Variants in CWF19L2 observed in about 807,000 individuals in gnomAD.
CWF19L2 encodes CWF19-like protein 2.
A neutral mutation model predicts 111.7 loss-of-function variants in CWF19L2; 98 were observed. That is an observed-to-expected ratio of 0.88 (90% confidence interval 0.75 to 1.04). CWF19L2 has a LOEUF of 1.04. Ranked by LOEUF, CWF19L2 falls within the 50% of genes least tolerant of loss-of-function variation. The probability of loss-of-function intolerance (pLI) is 0.00; values close to 1 mark genes in which losing one functional copy is unlikely to be tolerated. For synonymous variants in CWF19L2, 351 were observed against 342.9 expected, an observed-to-expected ratio of 1.02 and a Z score of -0.26; for missense variants, 1,101 against 1,051.4, an observed-to-expected ratio of 1.05 and a Z score of -0.65.
intron 12 of CWF19L2, among the ~76,000 whole-genome samples, chr11:107,361,184 T>C (rs562209426): frequency 4.6e-5 from 7 of 152,360 alleles, no homozygotes; most frequent in Middle Eastern, 3.4e-3. Flanking sequence ...CAAACCAATT[T>C]TCCCAGCACC....
chr11:107,415,017 T>C (rs781734187), intron 10 of CWF19L2, among the ~76,000 whole-genome samples: 1 of 152,142 alleles, frequency 6.6e-6, no homozygotes, highest in Non-Finnish European at 1.5e-5. Context: ...AACCATGTAA[T>C]AGTTTCTCAC....
At chr11:107,398,347 A>G (rs117867084) in intron 10 of CWF19L2, among the ~76,000 whole-genome samples, 248 of 152,322 alleles carry the variant, frequency 1.6e-3, no homozygotes, top group Middle Eastern at 6.8e-3. Flanking sequence ...ACAATTAAAA[A>G]TTCAGGAAAC....
chr11:107,399,850 G>C lies in CWF19L2; in HGVS notation c.1618-6955C>G, dbSNP rs1375427766. Among the ~76,000 whole-genome samples, 4 of 152,068 alleles carry C rather than the reference G, an allele frequency of 2.6e-5. No homozygotes were observed. In the South Asian group the frequency reaches 8.3e-4, roughly 31 times the overall value. ...GAGCCTAGATAAATTTAAGAAAATT[G>C]AAACTATATCAAGCACTCTTTCAGA... On this transcript the variant is annotated intron_variant, in intron 10 of 17. Coordinates refer to ENST00000282251, the MANE Select transcript of CWF19L2 (RefSeq NM_152434.3).
At chr11:107,422,303 T>C (rs1445716659) in intron 8 of CWF19L2, among the ~76,000 whole-genome samples, 1 of 152,016 alleles carries the variant, frequency 6.6e-6, no homozygotes, top group Non-Finnish European at 1.5e-5. Context: ...TTCATACATG[T>C]GGGTTCCAAC....
intron 13 of CWF19L2, among the ~76,000 whole-genome samples, chr11:107,351,356 C>G (rs145240771): frequency 2.2e-4 from 34 of 152,122 alleles, no homozygotes; most frequent in African/African-American, 7.9e-4. Context: ...GTGACATTTA[C>G]TAAAAAGAGG....
Position 107,429,000 on chromosome 11 carries a change from T to C in CWF19L2, c.1232A>G (p.Asn411Ser). ...LCSGFRKPTK[N>S]SEERLTSWSR... The stretch of plus-strand genomic sequence containing the variant: ...CCATGATGTTAATCTTTCTTCACTG[T>C]TCTTGGTGGGTTTTCTAAAACCACT... The change falls in exon 8 of 18, where the codon AAC becomes AGC. Residue 411 changes from asparagine to serine, a missense_variant. By Grantham distance (46) the Asn-to-Ser change is conservative (BLOSUM62 1). Coordinates refer to ENST00000282251, the MANE Select transcript of CWF19L2 (RefSeq NM_152434.3). The C allele has an allele frequency of 1.2e-6, 2 of 1,613,822 alleles. No individual in the cohort carries two copies. Among genetic ancestry groups the C allele is most frequent in the South Asian group, 1.1e-5 (1 of 91,072 alleles).
rs934673073 is a variant in CWF19L2 at position 107,442,534 on chromosome 11, T to G, written c.450+405A>C. Among the ~76,000 whole-genome samples the G allele has an allele frequency of 9.1e-4, 9 of 9,844 alleles. No individual in the cohort carries two copies. In the Admixed American group the frequency reaches 0.013, roughly 14 times the overall value. 6.5% of individuals were successfully genotyped at this position (9,844 alleles called of 152,430 possible). ...CCCAACTCTACACAAAATAAAAAAATTAGCCAGGCGTGGTGGGCACACAAC... is the reference window on the plus strand; with the variant it reads ...CCCAACTCTACACAAAATAAAAAAAGTAGCCAGGCGTGGTGGGCACACAAC... On this transcript the variant is annotated intron_variant, in intron 4 of 17. Transcript: ENST00000282251.
chr11:107,355,851 C>T (rs1860229603), intron 12 of CWF19L2, among the ~76,000 whole-genome samples: 4 of 152,132 alleles, frequency 2.6e-5, no homozygotes, highest in Admixed American at 2.0e-4. Context: ...ATAGCTACGT[C>T]GAAGACTTGA....
At chr11:107,328,118 G>A (rs1287754909) in intron 17 of CWF19L2, among the ~76,000 whole-genome samples, 6 of 128,274 alleles carry the variant, frequency 4.7e-5, no homozygotes, top group Non-Finnish European at 9.4e-5. Context: ...AAGTGTCAAA[G>A]CAGACCATTT....
intron 2 of CWF19L2, among the ~76,000 whole-genome samples, chr11:107,455,175 A>G (rs1392877732): frequency 1.3e-5 from 2 of 152,156 alleles, no homozygotes; most frequent in Non-Finnish European, 2.9e-5. Context: ...TAACGTTCTC[A>G]CCACAAAAAA....
chr11:107,455,617 G>T, intron 2 of CWF19L2, 49 bp downstream of exon 2: 1 of 1,085,936 alleles, frequency 9.2e-7, no homozygotes, highest in Non-Finnish European at 1.3e-6. Context: ...TTGAATACGT[G>T]CAAAAAAGGA....
intron 10 of CWF19L2, among the ~76,000 whole-genome samples, 154 bp downstream of exon 10, chr11:107,416,055 C>T (rs1861221571): frequency 6.6e-6 from 1 of 151,954 alleles, no homozygotes; most frequent in Non-Finnish European, 1.5e-5. Flanking sequence ...CAAGATCATG[C>T]CACTGCCCTG....
At chr11:107,441,697 A>T in intron 4 of CWF19L2, 75 bp from the exon 5 acceptor site, 2 of 1,355,838 alleles carry the variant, frequency 1.5e-6, no homozygotes, top group Non-Finnish European at 1.9e-6. Flanking sequence ...AATTTAATAA[A>T]CACTTGGTAA....
chr11:107,422,651 TA>T (rs1409921022), intron 8 of CWF19L2, among the ~76,000 whole-genome samples: 1 of 152,054 alleles, frequency 6.6e-6, no homozygotes, highest in Non-Finnish European at 1.5e-5. Flanking sequence ...GTCATAATCT[TA>T]AATATAAAGG....
chr11:107,439,009 TG>T, intron 6 of CWF19L2, 80 bp downstream of exon 6: 1 of 672,932 alleles, frequency 1.5e-6, no homozygotes, highest in Admixed American at 3.9e-5. Flanking sequence ...CTGCACTCCC[TG>T]GCTGACAGAG....
intron 12 of CWF19L2, among the ~76,000 whole-genome samples, chr11:107,360,046 G>A (rs1230854148): frequency 6.6e-6 from 1 of 152,184 alleles, no homozygotes; most frequent in Non-Finnish European, 1.5e-5. Flanking sequence ...GGCATTTAAA[G>A]TATTCATCAC....
intron 3 of CWF19L2, among the ~76,000 whole-genome samples, chr11:107,452,163 C>T (rs992422406): frequency 6.6e-6 from 1 of 152,108 alleles, no homozygotes; most frequent in Admixed American, 6.5e-5. Flanking sequence ...ACATGACATA[C>T]CATTTACCTA....
intron 14 of CWF19L2, among the ~76,000 whole-genome samples, chr11:107,345,062 T>A (rs1416226010): frequency 6.6e-6 from 1 of 152,140 alleles, no homozygotes; most frequent in Non-Finnish European, 1.5e-5. Context: ...CCCCACATGG[T>A]TTCCACTCAT....
chr11:107,430,550 G>A (rs566616100), intron 7 of CWF19L2, among the ~76,000 whole-genome samples: 1 of 152,182 alleles, frequency 6.6e-6, no homozygotes, highest in East Asian at 1.9e-4. Flanking sequence ...CACCATCAAT[G>A]AATTCGGGCA....
Sources: gnomAD v4.1 joint callset for allele counts (sites outside exome capture counted in the v4.1 genomes callset) on GRCh38, gnomAD v4.1.1 for gene constraint, MANE v1.5 for transcripts, NCBI Gene and HGNC (gene_info 2026-07-23, HGNC 2026-07-21) for gene names.